The following PCCA variants were observed in gnomAD, a reference collection of about 807,000 sequenced individuals.
PCCA encodes the protein propionyl-CoA carboxylase subunit alpha, also known as propionyl-CoA carboxylase alpha chain, mitochondrial.
In PCCA, 74 loss-of-function variants were observed where a neutral mutation model predicts 101.3. That is an observed-to-expected ratio of 0.73 (90% CI 0.61 to 0.89). The LOEUF is 0.89. Ranked by LOEUF, PCCA falls within the 40% of genes least tolerant of loss-of-function variation. The pLI is 0.00. For synonymous variants in PCCA, 294 were observed against 313.6 expected, an observed-to-expected ratio of 0.94 and a Z score of 0.66; for missense variants, 891 against 907.0, an observed-to-expected ratio of 0.98 and a Z score of 0.23.
intron 12 of PCCA, chr13:100,293,112 A>G (rs1246145827): frequency 1.0e-5 from 4 of 398,070 alleles, no homozygotes; most frequent in Admixed American, 3.1e-5. Flanking sequence ...TAAGTAAGTA[A>G]TTAAAACCCC....
At chr13:100,340,124 T>C in intron 17 of PCCA, 33 bp from the exon 18 acceptor site, 3 of 1,077,568 alleles carry the variant, frequency 2.8e-6, no homozygotes, top group Non-Finnish European at 4.3e-6. Context: ...AATAAATGAT[T>C]GATTGATTGA....
At chr13:100,187,609 C>T (rs1387796736) in intron 6 of PCCA, among the ~76,000 whole-genome samples, 1 of 152,098 alleles carries the variant, frequency 6.6e-6, no homozygotes, top group African/African-American at 2.4e-5. Context: ...TATATCTTGA[C>T]TAGTTATGCC....
At chr13:100,410,873 T>C (rs2078009712) in intron 19 of PCCA, among the ~76,000 whole-genome samples, 1 of 152,280 alleles carries the variant, frequency 6.6e-6, no homozygotes, top group East Asian at 1.9e-4. Context: ...ATATATACTC[T>C]TTGACCTACT....
intron 7 of PCCA, among the ~76,000 whole-genome samples, chr13:100,219,858 GTGT>G (rs2059712332): frequency 6.6e-6 from 1 of 152,146 alleles, no homozygotes; most frequent in Non-Finnish European, 1.5e-5. Flanking sequence ...CAAAAGACTG[GTGT>G]TTAATTTTTG....
chr13:100,136,189 T>G (rs1385799128), intron 4 of PCCA, among the ~76,000 whole-genome samples: 1 of 148,318 alleles, frequency 6.7e-6, no homozygotes, highest in African/African-American at 2.5e-5. Flanking sequence ...AATTGTTTTT[T>G]TTTTTTTTTT....
chr13:100,223,734 C>T (rs1489504997), intron 7 of PCCA, among the ~76,000 whole-genome samples: 1 of 152,148 alleles, frequency 6.6e-6, no homozygotes, highest in African/African-American at 2.4e-5. Context: ...TTTGACAGGG[C>T]ACTGATTGGT....
intron 4 of PCCA, among the ~76,000 whole-genome samples, chr13:100,153,479 A>C (rs1161805769): frequency 2.6e-5 from 4 of 152,222 alleles, no homozygotes; most frequent in Admixed American, 2.6e-4. Context: ...ATTTAAGTTT[A>C]AACAAAGACT....
intron 8 of PCCA, among the ~76,000 whole-genome samples, chr13:100,241,265 T>A (rs2061116657): frequency 6.6e-6 from 1 of 151,152 alleles, no homozygotes; most frequent in Admixed American, 6.6e-5. Flanking sequence ...TTCCATCTAG[T>A]CCCTGACAAC....
chr13:100,377,071 C>T (rs2075959858), intron 19 of PCCA, among the ~76,000 whole-genome samples: 1 of 152,190 alleles, frequency 6.6e-6, no homozygotes, highest in Non-Finnish European at 1.5e-5. Context: ...AGGGAGTTCC[C>T]TGACCCCTTG....
intron 21 of PCCA, among the ~76,000 whole-genome samples, chr13:100,455,593 C>T (rs1194680722): frequency 6.6e-6 from 1 of 152,176 alleles, no homozygotes; most frequent in Non-Finnish European, 1.5e-5. Flanking sequence ...TAGCCTGCTA[C>T]TCATGGATAA....
At chr13:100,196,659 G>A (rs1194172744) in intron 6 of PCCA, among the ~76,000 whole-genome samples, 1 of 152,164 alleles carries the variant, frequency 6.6e-6, no homozygotes, top group Non-Finnish European at 1.5e-5. Flanking sequence ...AAGTCATAGT[G>A]TACAGTGTAC....
At chr13:100,456,635 C>T (rs1281532082) in intron 21 of PCCA, among the ~76,000 whole-genome samples, 6 of 143,094 alleles carry the variant, frequency 4.2e-5, no homozygotes, top group South Asian at 2.1e-4. Context: ...GGGGGCCCTT[C>T]CCTCTTAGGT....
At chr13:100,313,002 A>G (rs1382125250) in intron 16 of PCCA, among the ~76,000 whole-genome samples, 1 of 152,200 alleles carries the variant, frequency 6.6e-6, no homozygotes, top group Non-Finnish European at 1.5e-5. Flanking sequence ...AAATCTATAG[A>G]AAAGATGAAT....
intron 4 of PCCA, among the ~76,000 whole-genome samples, chr13:100,118,645 C>A (rs113798059): frequency 0.1 from 15,143 of 151,980 alleles, 822 homozygotes; most frequent in Middle Eastern, 0.17. Flanking sequence ...ACTTCCTGGG[C>A]ACAAGCGATC....
chr13:100,334,259 A>G (rs2070087608), intron 17 of PCCA, among the ~76,000 whole-genome samples: 1 of 152,208 alleles, frequency 6.6e-6, no homozygotes, highest in Admixed American at 6.5e-5. Flanking sequence ...ACATCTTTAT[A>G]AGCCATCCTC....
intron 18 of PCCA, among the ~76,000 whole-genome samples, chr13:100,361,050 G>C (rs1319216203): frequency 1.3e-5 from 2 of 152,160 alleles, no homozygotes; most frequent in Non-Finnish European, 2.9e-5. Flanking sequence ...TGAAAAGGCA[G>C]CATTCTGTAT....
chr13:100,215,041 C>T (rs1018564511), intron 7 of PCCA, among the ~76,000 whole-genome samples: 6 of 152,174 alleles, frequency 3.9e-5, no homozygotes, highest in African/African-American at 1.4e-4. Flanking sequence ...TATGTATCCG[C>T]CATACTTGAC....
intron 21 of PCCA, among the ~76,000 whole-genome samples, chr13:100,504,179 CCT>C (rs1261762532): frequency 6.6e-6 from 1 of 152,120 alleles, no homozygotes; most frequent in African/African-American, 2.4e-5. Flanking sequence ...TGCTCAGTCC[CCT>C]GATTCTCATT....
Position 100,427,687 on chromosome 13 carries a change from A to C in PCCA, c.1845+1956A>C, listed in dbSNP as rs78429847. On this transcript the variant is annotated intron_variant, in intron 20 of 23. Coordinates refer to ENST00000376285, the MANE Select transcript of PCCA (RefSeq NM_000282.4). ...AGTACTCTCTAATTGGAAGGAAATA[A>C]ACTCAGAGAGGTAAATGGTGTACTA... 2.4e-3 allele frequency among the ~76,000 whole-genome samples: 364 copies of C among 152,156 alleles called. 4 individuals carry two copies. In the East Asian group the frequency reaches 0.054, roughly 23 times the overall value.
Sources: gnomAD v4.1 joint callset for allele counts (sites outside exome capture counted in the v4.1 genomes callset) on GRCh38, gnomAD v4.1.1 for gene constraint, MANE v1.5 for transcripts, NCBI Gene and HGNC (gene_info 2026-07-23, HGNC 2026-07-21) for gene names.